Variants in UGT1A8 observed in about 807,000 individuals in gnomAD.
UGT1A8 encodes the protein UDP glucuronosyltransferase family 1 member A8.
A neutral mutation model predicts 45.3 loss-of-function variants in UGT1A8; 39 were observed. The observed-to-expected ratio is 0.86, with a 90% CI of 0.67 to 1.12. UGT1A8 has a LOEUF of 1.12. Among genes scored for constraint, UGT1A8 ranks in the 50% most tolerant of loss-of-function variants. UGT1A8 has a pLI of 0.00. For synonymous variants in UGT1A8, 275 were observed against 249.2 expected, an observed-to-expected ratio of 1.10 and a Z score of -0.97; for missense variants, 719 against 664.9, an observed-to-expected ratio of 1.08 and a Z score of -0.90.
intron 1 of UGT1A8, among the ~76,000 whole-genome samples, chr2:233,645,073 G>T (rs910288967): frequency 1.3e-5 from 2 of 152,182 alleles, no homozygotes; most frequent in Non-Finnish European, 2.9e-5. Flanking sequence ...TAGGGACATT[G>T]TCCAATATCA....
Position 233,769,243 on chromosome 2 carries a change from CA to C in UGT1A8, c.1295+807del. Among the ~76,000 whole-genome samples the C allele has an allele frequency of 6.6e-6, 1 of 152,264 alleles. No homozygotes were observed. The highest frequency in any genetic ancestry group is 1.9e-4 in the East Asian group (1 of 5,180). ...GAATAAGAGCAAAGGAAAATTTGCT[CA>C]AATGTGGCCCTGAAAACGATTCAAA... On this transcript the variant is annotated intron_variant, in intron 4 of 4. Coordinates refer to ENST00000373450, the MANE Select transcript of UGT1A8 (RefSeq NM_019076.5). The surrounding 1 kb of genome is among the most constrained non-coding windows in gnomAD (Gnocchi z 4.4).
rs1316235095 is a variant in UGT1A8, at chr2:233,618,174, T to C, written c.467T>C (p.Ile156Thr). 2 of 1,614,112 alleles carry C rather than the reference T, an allele frequency of 1.2e-6. No individual in the cohort carries two copies. The highest frequency in any genetic ancestry group is 1.7e-6 in the Non-Finnish European group (2 of 1,180,028). ...FLDPFDACGLIVAKYFSLPSV... is the reference protein window; with the variant it reads ...FLDPFDACGLTVAKYFSLPSV... The stretch of plus-strand genomic sequence containing the variant: ...GATCCTTTTGATGCCTGTGGCTTAA[T>C]TGTTGCCAAATATTTCTCCCTCCCC... Residue 156 changes from isoleucine (I) to threonine (T), a missense_variant, in exon 1 of 5, where the codon ATT (isoleucine) becomes ACT (threonine). By Grantham distance (89) the Ile-to-Thr change is moderately conservative. Transcript: ENST00000373450.
chr2:233,658,443 C>T (rs2073901012), intron 1 of UGT1A8, among the ~76,000 whole-genome samples: 1 of 152,120 alleles, frequency 6.6e-6, no homozygotes, highest in African/African-American at 2.4e-5. Flanking sequence ...ACCTAATGTC[C>T]TTTTTCATTT....
At position 233,719,215 on chromosome 2, in the gene UGT1A8, T is replaced by C. The variant is rs72551337; in HGVS notation, c.856-47819T>C. ...CTTCATAGGTGTTGTGTGGAGCTAC[T>C]GCATAATGAGGCCCTGATCAGGCAC... On this transcript the variant is annotated intron_variant, in intron 1 of 4. Coordinates refer to ENST00000373450, the MANE Select transcript of UGT1A8 (RefSeq NM_019076.5). The C allele has an allele frequency of 1.5e-5, 25 of 1,614,228 alleles. No individual in the cohort carries two copies. In the East Asian group the frequency reaches 2.9e-4, roughly 19 times the overall value.
At chr2:233,648,882 A>G in intron 1 of UGT1A8, 1 of 1,285,402 alleles carries the variant, frequency 7.8e-7, no homozygotes, top group Non-Finnish European at 1.1e-6. Flanking sequence ...TTCTCCAAAC[A>G]CCTGTCATGG....
At chr2:233,684,957 G>A (rs1028943175) in intron 1 of UGT1A8, among the ~76,000 whole-genome samples, 1 of 79,316 alleles carries the variant, frequency 1.3e-5, no homozygotes, top group African/African-American at 3.6e-5. Flanking sequence ...TCTGTCTGAT[G>A]AAAAGAAAGC....
At chr2:233,693,838 C>T (rs1282452133) in intron 1 of UGT1A8, 2 of 1,614,176 alleles carry the variant, frequency 1.2e-6, no homozygotes, top group Non-Finnish European at 1.7e-6. Flanking sequence ...GAGGTATCAA[C>T]TGTAAGAAGA....
At chr2:233,648,379 T>A (rs1205207254) in intron 1 of UGT1A8, 3 of 349,412 alleles carry the variant, frequency 8.6e-6, no homozygotes, top group Non-Finnish European at 1.1e-5. Context: ...AGGTGCACAG[T>A]GCCCTGCTTC....
chr2:233,758,772 T>G lies in UGT1A8; in HGVS notation c.856-8262T>G, dbSNP rs34118072. Reference sequence around the variant, plus strand: ...GCCAGTGATGTGTATGGTTCAAATGTTGGGATCTGTGCAGTTATCTTGGAA... The same window carrying G: ...GCCAGTGATGTGTATGGTTCAAATGGTGGGATCTGTGCAGTTATCTTGGAA... On this transcript the variant is annotated intron_variant, in intron 1 of 4. Coordinates refer to ENST00000373450, the MANE Select transcript of UGT1A8 (RefSeq NM_019076.5). Among the ~76,000 whole-genome samples, 852 of 152,332 alleles carry G rather than the reference T, an allele frequency of 5.6e-3. 11 individuals carry two copies. The highest frequency in any genetic ancestry group is 0.02 in the African/African-American group (820 of 41,568).
chr2:233,623,101 C>G (rs1004078485), intron 1 of UGT1A8, among the ~76,000 whole-genome samples: 4 of 152,118 alleles, frequency 2.6e-5, no homozygotes, highest in Non-Finnish European at 5.9e-5. Flanking sequence ...GTCTGGGTAC[C>G]AATACGATGC....
At position 233,617,996 on chromosome 2, in the gene UGT1A8, C is replaced by T. The variant is rs2072933729; in HGVS notation, c.289C>T (p.Gln97Ter). Residue 97 changes from glutamine (Q) to a stop codon, truncating the protein, a stop_gained, in exon 1 of 5, where the codon CAA becomes TAA. Coordinates refer to ENST00000373450, the MANE Select transcript of UGT1A8 (RefSeq NM_019076.5). LOFTEE classifies it high-confidence loss of function. The stretch of plus-strand genomic sequence containing the variant: ...GGAATTCATGGATTTCGCCGATGCT[C>T]AATGGAAAGCACAAGTACGAAGTTT... ...DREFMDFADA[Q>*]WKAQVRSLFS... The T allele has an allele frequency of 1.9e-6, 3 of 1,614,176 alleles. No homozygotes were observed. In the South Asian group the frequency reaches 3.3e-5, roughly 18 times the overall value.
rs1354287314 is a variant in UGT1A8 at position 233,652,144 on chromosome 2, C to A, written c.855+33582C>A. Among the ~76,000 whole-genome samples, 3 of 152,264 alleles carry A rather than the reference C, an allele frequency of 2.0e-5. No homozygotes were observed. In the East Asian group the frequency reaches 5.8e-4, roughly 29 times the overall value. On this transcript the variant is annotated intron_variant, in intron 1 of 4. Transcript: ENST00000373450. ...GAGAACTGGGGATGGGAGGTGACTG[C>A]ACAGCAAGAAAAGATCTGGGCTTCC...
chr2:233,681,999 G>A (rs2074549266), intron 1 of UGT1A8: 1 of 1,614,050 alleles, frequency 6.2e-7, no homozygotes, highest in Non-Finnish European at 8.5e-7. Flanking sequence ...CTGACCTGTG[G>A]CTTTGCCAAG....
At chr2:233,687,032 G>T (rs1469264089) in intron 1 of UGT1A8, among the ~76,000 whole-genome samples, 1 of 152,216 alleles carries the variant, frequency 6.6e-6, no homozygotes, top group Non-Finnish European at 1.5e-5. Flanking sequence ...GTTCAATGTA[G>T]TGTTTGAGCA....
intron 1 of UGT1A8, chr2:233,691,878 T>C (rs1461599790): frequency 6.4e-6 from 1 of 155,758 alleles, no homozygotes; most frequent in Non-Finnish European, 1.4e-5. Context: ...TATATGTTTG[T>C]CTTTGTTTCC....
At chr2:233,678,114 A>G (rs1006666579) in intron 1 of UGT1A8, among the ~76,000 whole-genome samples, 8 of 152,192 alleles carry the variant, frequency 5.3e-5, no homozygotes, top group African/African-American at 1.9e-4. Flanking sequence ...GGAGCTAAAT[A>G]GTGGGTACTT....
chr2:233,661,806 C>G (rs1316365370), intron 1 of UGT1A8, among the ~76,000 whole-genome samples: 1 of 151,186 alleles, frequency 6.6e-6, no homozygotes, highest in African/African-American at 2.4e-5. Flanking sequence ...ATGAATTTCT[C>G]TGCTTCATGG....
At chr2:233,743,874 A>T in intron 1 of UGT1A8, 1 of 1,367,118 alleles carries the variant, frequency 7.3e-7, no homozygotes, top group Non-Finnish European at 9.8e-7. Context: ...GCCTCGGATG[A>T]GGCCTGCCGG....
intron 1 of UGT1A8, among the ~76,000 whole-genome samples, chr2:233,695,635 A>T (rs1383639619): frequency 2.6e-5 from 4 of 151,066 alleles, no homozygotes; most frequent in Non-Finnish European, 2.9e-5. Context: ...CATGAGACCC[A>T]CTTTTTTAGC....
Sources: gnomAD v4.1 joint callset for allele counts (sites outside exome capture counted in the v4.1 genomes callset) on GRCh38, gnomAD v4.1.1 for gene constraint, Gnocchi (gnomAD v3.1) non-coding constraint, MANE v1.5 for transcripts, NCBI Gene and HGNC (gene_info 2026-07-23, HGNC 2026-07-21) for gene names.